PRICKLE2: variants seen among roughly 807,000 people sequenced by gnomAD.
PRICKLE2 encodes the protein prickle-like protein 2.
Under a neutral mutation model 81.4 loss-of-function variants are expected in PRICKLE2, and 21 were observed. The ratio of observed to expected loss-of-function variants is 0.26; its 90% confidence interval spans 0.18 to 0.37. The LOEUF (loss-of-function observed/expected upper bound fraction) is 0.37, where lower values mean the gene tolerates loss of function less well. Ranked by LOEUF, PRICKLE2 falls within the 10% of genes least tolerant of loss-of-function variation. The probability of loss-of-function intolerance (pLI) is 1.00; values close to 1 mark genes in which losing one functional copy is unlikely to be tolerated. For missense variants in PRICKLE2, 940 were observed against 1,109.0 expected (o/e 0.85, Z 2.16); for synonymous variants, 456 against 421.5 (o/e 1.08, Z -1.00).
Position 64,147,749 on chromosome 3 carries a change from T to G in PRICKLE2, c.788-47A>C, listed in dbSNP as rs371930828. The G allele has an allele frequency of 3.0e-5, 49 of 1,606,722 alleles. No individual in the cohort carries two copies. The highest frequency in any genetic ancestry group is 4.1e-5 in the Non-Finnish European group (48 of 1,174,612). On this transcript the variant is annotated intron_variant, in intron 6 of 7. Coordinates refer to ENST00000638394, the MANE Select transcript of PRICKLE2 (RefSeq NM_198859.4). The surrounding 1 kb of genome is among the most constrained non-coding windows in gnomAD (Gnocchi z 5.0). The stretch of plus-strand genomic sequence containing the variant: ...GAGAGGCTGATGAGCTGCTCAGAGC[T>G]CTGCACTGGGACGTGAAACACATAG...
chr3:64,199,153 T>C (rs747580154), intron 1 of PRICKLE2, 186 bp from the exon 2 acceptor site: 64 of 635,224 alleles, frequency 1.0e-4, no homozygotes, highest in Non-Finnish European at 1.5e-4. Context: ...GGTACACGCA[T>C]GTGAAAACAG....
intron 1 of PRICKLE2, among the ~76,000 whole-genome samples, chr3:64,201,989 A>G (rs2078589711): frequency 6.6e-6 from 1 of 152,178 alleles, no homozygotes; most frequent in Non-Finnish European, 1.5e-5. Flanking sequence ...ATTGAAAAGA[A>G]TAATCTTTCC....
Position 64,124,232 on chromosome 3 carries a change from T to G in PRICKLE2, c.1660+22598A>C, listed in dbSNP as rs140722184. ...GCAAGACCCTAACTCTTCAGGTCTA[T>G]GAAGGCTGAGTGAGGTGAGGAAATT... is the stretch of plus-strand genomic sequence containing the variant. On this transcript the variant is annotated intron_variant, in intron 7 of 7. Transcript: ENST00000638394. Among the ~76,000 whole-genome samples the G allele has an allele frequency of 1.4e-4, 22 of 152,314 alleles. No homozygotes were observed. In the East Asian group the frequency reaches 3.1e-3, roughly 21 times the overall value.
At chr3:64,188,874 C>A (rs953370886) in intron 2 of PRICKLE2, among the ~76,000 whole-genome samples, 5 of 152,176 alleles carry the variant, frequency 3.3e-5, no homozygotes, top group African/African-American at 1.2e-4. Flanking sequence ...TAGATCTTTA[C>A]AGACAAAGCC....
At chr3:64,177,911 T>C (rs1252751059) in intron 2 of PRICKLE2, among the ~76,000 whole-genome samples, 1 of 152,226 alleles carries the variant, frequency 6.6e-6, no homozygotes, top group Non-Finnish European at 1.5e-5. Context: ...TTATGTTGCA[T>C]ATATACCTAG....
intron 6 of PRICKLE2, among the ~76,000 whole-genome samples, chr3:64,150,552 CCTT>C (rs2077528720): frequency 6.6e-6 from 1 of 152,146 alleles, no homozygotes; most frequent in South Asian, 2.1e-4. Context: ...TCTTCCTCCT[CCTT>C]CTTCTCACTC....
intron 1 of PRICKLE2, among the ~76,000 whole-genome samples, chr3:64,213,077 C>CTTTTTTT (rs374873926): frequency 8.0e-6 from 1 of 125,526 alleles, no homozygotes; most frequent in Non-Finnish European, 1.6e-5. Context: ...GTTTTTTGTT[C>CTTTTTTT]TTTTTTTTTT....
chr3:64,153,504 TA>T, intron 5 of PRICKLE2, 136 bp from the exon 6 acceptor site: 1 of 763,324 alleles, frequency 1.3e-6, no homozygotes, highest in Non-Finnish European at 2.2e-6. Flanking sequence ...CAAAAATCCA[TA>T]TGGATATGTT....
chr3:64,198,624 C>T, intron 2 of PRICKLE2, 160 bp downstream of exon 2: 1 of 733,500 alleles, frequency 1.4e-6, no homozygotes, highest in Non-Finnish European at 2.4e-6. Context: ...ATTTCCCTTC[C>T]TCATTTTCCA....
At chr3:64,155,748 C>A (rs2077625744) in intron 5 of PRICKLE2, among the ~76,000 whole-genome samples, 1 of 152,120 alleles carries the variant, frequency 6.6e-6, no homozygotes, top group Non-Finnish European at 1.5e-5. Flanking sequence ...ACATTGGAAA[C>A]ACGCTAAACG....
At chr3:64,115,029 G>C (rs974098631) in intron 7 of PRICKLE2, among the ~76,000 whole-genome samples, 1 of 152,186 alleles carries the variant, frequency 6.6e-6, no homozygotes, top group Non-Finnish European at 1.5e-5. Flanking sequence ...AGCCAGAAAA[G>C]AATGGGGGCC....
chr3:64,134,873 T>C (rs975273530), intron 7 of PRICKLE2, among the ~76,000 whole-genome samples: 12 of 152,222 alleles, frequency 7.9e-5, no homozygotes, highest in African/African-American at 2.9e-4. Flanking sequence ...ATGAGCTCAA[T>C]CTGTTTCCCA....
chr3:64,218,791 G>A (rs1248703274), intron 1 of PRICKLE2, among the ~76,000 whole-genome samples: 1 of 152,128 alleles, frequency 6.6e-6, no homozygotes, highest in African/African-American at 2.4e-5. Context: ...TTTCCTCTAT[G>A]CCTATTATAA....
intron 5 of PRICKLE2, chr3:64,155,046 G>A (rs1444875226): frequency 1.3e-5 from 2 of 151,028 alleles, no homozygotes; most frequent in South Asian, 4.2e-4. Flanking sequence ...CTACTCAGGA[G>A]GTTCGGTCAG....
chr3:64,100,166 C>G, intron 7 of PRICKLE2: 1 of 555,260 alleles, frequency 1.8e-6, no homozygotes, highest in Non-Finnish European at 3.2e-6. Flanking sequence ...TTACCAGTTA[C>G]TAGTTCCTCC....
chr3:64,211,589 C>G (rs2078786794), intron 1 of PRICKLE2, among the ~76,000 whole-genome samples: 1 of 152,144 alleles, frequency 6.6e-6, no homozygotes, highest in African/African-American at 2.4e-5. Context: ...GAATAAGCAG[C>G]ACAAATGTGG....
At chr3:64,174,255 T>A (rs1016443596) in intron 2 of PRICKLE2, 1 of 152,188 alleles carries the variant, frequency 6.6e-6, no homozygotes, top group African/African-American at 2.4e-5. Context: ...CATGACAAAT[T>A]CTAAGCGTGC....
intron 7 of PRICKLE2, among the ~76,000 whole-genome samples, chr3:64,136,433 C>T (rs2077280730): frequency 6.7e-6 from 1 of 149,262 alleles, no homozygotes; most frequent in African/African-American, 2.5e-5. Context: ...TGGGATGTGG[C>T]CCAAGAATTT....
chr3:64,152,913 C>T (rs780833445), intron 6 of PRICKLE2, among the ~76,000 whole-genome samples: 1 of 152,298 alleles, frequency 6.6e-6, no homozygotes, highest in South Asian at 2.1e-4. Flanking sequence ...TAGGTGAAGA[C>T]AGCTTCTCCC....
Sources: gnomAD v4.1 joint callset for allele counts (sites outside exome capture counted in the v4.1 genomes callset) on GRCh38, gnomAD v4.1.1 for gene constraint, Gnocchi (gnomAD v3.1) non-coding constraint, MANE v1.5 for transcripts, NCBI Gene and HGNC (gene_info 2026-07-23, HGNC 2026-07-21) for gene names.